The following ACOX2 variants were observed in gnomAD, a reference collection of about 807,000 sequenced individuals.
The protein encoded by ACOX2 is peroxisomal acyl-coenzyme A oxidase 2.
Under a neutral mutation model 77.5 loss-of-function variants are expected in ACOX2, and 59 were observed. The observed-to-expected ratio is 0.76, with a 90% CI of 0.62 to 0.95. The LOEUF is 0.95. Ranked by LOEUF, ACOX2 falls within the 40% of genes least tolerant of loss-of-function variation. The pLI, the probability that ACOX2 is intolerant of heterozygous loss-of-function variation, is 0.00. For synonymous variants in ACOX2, 317 were observed against 340.1 expected (o/e 0.93, Z 0.75); for missense variants, 837 against 880.4 (o/e 0.95, Z 0.62).
At chr3:58,509,352 C>G (rs1417560649) in intron 13 of ACOX2, among the ~76,000 whole-genome samples, 10 of 151,648 alleles carry the variant, frequency 6.6e-5, no homozygotes, top group Non-Finnish European at 1.5e-4. Flanking sequence ...ATGGTGAAAC[C>G]CCGTCTCTAC....
intron 13 of ACOX2, 124 bp downstream of exon 13, chr3:58,517,082 T>C (rs2063326134): frequency 1.1e-6 from 1 of 937,666 alleles, no homozygotes; most frequent in Non-Finnish European, 1.6e-6. Context: ...TAATAGGGTG[T>C]AGACCTCTCC....
chr3:58,527,319 C>T (rs149705260), intron 9 of ACOX2, among the ~76,000 whole-genome samples: 1,583 of 152,100 alleles, frequency 0.01, 28 homozygotes, highest in African/African-American at 0.036. Flanking sequence ...AGGTGGATCA[C>T]GAGGTCAGGA....
At chr3:58,507,636 A>C (rs1008597969) in intron 14 of ACOX2, among the ~76,000 whole-genome samples, 1 of 152,174 alleles carries the variant, frequency 6.6e-6, no homozygotes, top group Admixed American at 6.5e-5. Flanking sequence ...GCTAGTCTGG[A>C]GTGGGAGGAC....
At chr3:58,517,176 C>CT in intron 13 of ACOX2, 30 bp downstream of exon 13, 1 of 1,605,938 alleles carries the variant, frequency 6.2e-7, no homozygotes, top group Non-Finnish European at 8.5e-7. Context: ...TCTCTGAAGA[C>CT]TAACATGGTT....
At position 58,534,519 on chromosome 3, in the gene ACOX2, C is replaced by T; in HGVS notation, c.164G>A (p.Ser55Asn). Residue 55 changes from serine to asparagine, a missense_variant, in exon 3 of 15, where the codon AGC becomes AAC. Ser to Asn is a conservative substitution (Grantham distance 46, BLOSUM62 1). Coordinates refer to ENST00000302819, the MANE Select transcript of ACOX2 (RefSeq NM_003500.4). This position sits in a 1 kb window ranked among gnomAD's most constrained non-coding sequence, Gnocchi z 4.8. ...QNTALRRKVE[S>N]IIHSYPEFSC... ...AAACTCCGGGTAACTGTGGATGATG[C>T]TCTCTGCAGAGGACAGAGAACAGAG... The T allele has an allele frequency of 6.2e-7, 1 of 1,614,196 alleles. No homozygotes were observed. The highest frequency in any genetic ancestry group is 8.5e-7 in the Non-Finnish European group (1 of 1,180,018).
rs1243163063 is a variant in ACOX2 at position 58,534,972 on chromosome 3, C to T, written c.135G>A (p.Gln45=). The T allele has an allele frequency of 6.2e-7, 1 of 1,614,238 alleles. No homozygotes were observed. Among genetic ancestry groups the T allele is most frequent in the Admixed American group, 1.7e-5 (1 of 60,030 alleles). ...RLTNILDGGA[Q]NTALRRKVES... ...CAACTTTCCTGCGGAGTGCAGTGTT[C>T]TGGGCACCTCCATCAAGGATGTTGG... The change falls in exon 2 of 15, where the codon CAG becomes CAA. Residue 45 remains glutamine (Q), a synonymous_variant. Transcript: ENST00000302819. The surrounding 1 kb of genome is among the most constrained non-coding windows in gnomAD (Gnocchi z 4.8).
chr3:58,508,145 T>C (rs1216252186), intron 14 of ACOX2, among the ~76,000 whole-genome samples: 1 of 152,220 alleles, frequency 6.6e-6, no homozygotes, highest in African/African-American at 2.4e-5. Flanking sequence ...TGTTAACATA[T>C]TCATTGACAT....
At position 58,514,219 on chromosome 3, in the gene ACOX2, T is replaced by A. The variant is rs1436079259; in HGVS notation, c.1850+2987A>T. On this transcript the variant is annotated intron_variant, in intron 13 of 14. Coordinates refer to ENST00000302819, the MANE Select transcript of ACOX2 (RefSeq NM_003500.4). This position sits in a 1 kb window ranked among gnomAD's most constrained non-coding sequence, Gnocchi z 4.3. ...ACTTTGGGAGGCTAAGGTAGGAGGA[T>A]CCCTTGAGCCCAGGAGTTCAAGAGC... 6.6e-6 allele frequency among the ~76,000 whole-genome samples: 1 copy of A among 152,132 alleles called. No individual in the cohort carries two copies. The highest frequency in any genetic ancestry group is 2.4e-5 in the African/African-American group (1 of 41,422).
chr3:58,517,474 A>C, intron 12 of ACOX2, 51 bp from the exon 13 acceptor site: 1 of 1,563,310 alleles, frequency 6.4e-7, no homozygotes, highest in Non-Finnish European at 8.8e-7. Flanking sequence ...TCTACTCCAG[A>C]AGTCACCCTG....
At chr3:58,509,361 A>T (rs943448435) in intron 13 of ACOX2, among the ~76,000 whole-genome samples, 3 of 151,744 alleles carry the variant, frequency 2.0e-5, no homozygotes, top group Admixed American at 6.6e-5. Context: ...CCCCGTCTCT[A>T]CTAAAAATAC....
chr3:58,509,039 CAA>C lies in ACOX2; in HGVS notation c.1851-16_1851-15del, dbSNP rs755771879. 26 of 1,613,586 alleles carry C rather than the reference CAA, an allele frequency of 1.6e-5. No homozygotes were observed. The highest frequency in any genetic ancestry group is 1.9e-5 in the Non-Finnish European group (23 of 1,179,672). ...ATGGCATCCTTCCTGGGATAGGAAA[CAA>C]GAGTTTGTAAGTATTTTAGATTGCT... On this transcript the variant is annotated splice_polypyrimidine_tract_variant and intron_variant, in intron 13 of 14. Coordinates refer to ENST00000302819, the MANE Select transcript of ACOX2 (RefSeq NM_003500.4).
chr3:58,509,888 G>A (rs1270824956), intron 13 of ACOX2, among the ~76,000 whole-genome samples: 1 of 152,140 alleles, frequency 6.6e-6, no homozygotes, highest in East Asian at 1.9e-4. Context: ...TTACAAGCAT[G>A]AGCCACCATG....
intron 14 of ACOX2, among the ~76,000 whole-genome samples, chr3:58,508,330 C>A (rs1355411514): frequency 6.6e-6 from 1 of 152,118 alleles, no homozygotes; most frequent in Non-Finnish European, 1.5e-5. Flanking sequence ...AATTGTCACT[C>A]ATATGGCTTT....
chr3:58,510,439 C>G (rs547634635), intron 13 of ACOX2, among the ~76,000 whole-genome samples: 1 of 151,234 alleles, frequency 6.6e-6, no homozygotes, highest in African/African-American at 2.4e-5. Context: ...TCGAGACCAG[C>G]CTGGCCAACA....
intron 5 of ACOX2, among the ~76,000 whole-genome samples, chr3:58,532,022 G>C (rs2063444023): frequency 6.7e-6 from 1 of 150,196 alleles, no homozygotes; most frequent in South Asian, 2.1e-4. Flanking sequence ...CTTTTTTTTT[G>C]CCCCCCCCAA....
chr3:58,510,227 G>A (rs1312772836), intron 13 of ACOX2, among the ~76,000 whole-genome samples: 1 of 152,056 alleles, frequency 6.6e-6, no homozygotes, highest in African/African-American at 2.4e-5. Flanking sequence ...GTTTCTTGAT[G>A]ATCCCCAACA....
chr3:58,522,546 G>C lies in ACOX2; in HGVS notation c.1582C>G (p.Gln528Glu), dbSNP rs143228600. Residue 528 changes from glutamine to glutamate, a missense_variant, in exon 12 of 15, where the codon CAG becomes GAG. Transcript: ENST00000302819. The surrounding 1 kb of genome is among the most constrained non-coding windows in gnomAD (Gnocchi z 4.3). The stretch of plus-strand genomic sequence containing the variant: ...GTGGTCTGGTTCCAAGCCTCGTGCT[G>C]GTCAGCTCCGGATTGCGTCAGGGTC... ...LQTLTQSGADQHEAWNQTTVI... is the reference protein window; with the variant it reads ...LQTLTQSGADEHEAWNQTTVI... 7.1e-4 allele frequency: 1,144 copies of C among 1,614,180 alleles called. No individual in the cohort carries two copies. The highest frequency in any genetic ancestry group is 2.3e-3 in the Admixed American group (137 of 60,028).
At chr3:58,530,729 G>C (rs981972820) in intron 7 of ACOX2, 91 bp from the exon 8 acceptor site, 3 of 1,413,682 alleles carry the variant, frequency 2.1e-6, no homozygotes, top group Non-Finnish European at 2.9e-6. Context: ...ACACATGGAG[G>C]GCACCTCGCC....
Position 58,524,388 on chromosome 3 carries a change from G to A in ACOX2, c.1526+38C>T, listed in dbSNP as rs1402280645. ...GGCCCTAGTGTGGCATGGAGCCTGT[G>A]CCCAGGTGGGATGGCTGATTTCTCA... On this transcript the variant is annotated intron_variant, in intron 11 of 14. Transcript: ENST00000302819. This position sits in a 1 kb window ranked among gnomAD's most constrained non-coding sequence, Gnocchi z 5.5. 6.3e-7 allele frequency: 1 copy of A among 1,598,260 alleles called. No individual in the cohort carries two copies. The highest frequency in any genetic ancestry group is 1.1e-5 in the South Asian group (1 of 90,110).
Sources: allele counts gnomAD v4.1 joint callset (sites outside exome capture counted in the v4.1 genomes callset), GRCh38; gene constraint gnomAD v4.1.1; non-coding constraint Gnocchi (gnomAD v3.1); transcripts MANE v1.5; gene names NCBI Gene and HGNC (gene_info 2026-07-23, HGNC 2026-07-21).